ERC2: variants seen among roughly 807,000 people sequenced by gnomAD.
ERC2 encodes the protein ELKS/RAB6-interacting/CAST family member 2.
Under a neutral mutation model 114.8 loss-of-function variants are expected in ERC2, and 42 were observed. That is an observed-to-expected ratio of 0.37 (90% CI 0.29 to 0.47). ERC2 has a LOEUF of 0.47. Among genes scored for constraint, ERC2 ranks in the 20% least tolerant of loss-of-function variants. ERC2 has a pLI of 0.99. For synonymous variants in ERC2, 454 were observed against 425.5 expected, an observed-to-expected ratio of 1.07 and a Z score of -0.82; for missense variants, 939 against 1,150.7, an observed-to-expected ratio of 0.82 and a Z score of 2.66.
intron 10 of ERC2, among the ~76,000 whole-genome samples, chr3:56,005,013 A>G (rs2072370691): frequency 6.6e-6 from 1 of 151,964 alleles, no homozygotes; most frequent in South Asian, 2.1e-4. Context: ...GGAACTATTT[A>G]TTAGCAGAAA....
At chr3:55,736,156 T>C (rs183166035) in intron 14 of ERC2, among the ~76,000 whole-genome samples, 31 of 152,322 alleles carry the variant, frequency 2.0e-4, no homozygotes, top group Middle Eastern at 3.4e-3. Context: ...CAAAACATTA[T>C]AAGCCCAGAT....
intron 3 of ERC2, among the ~76,000 whole-genome samples, chr3:56,183,849 A>G (rs1053064616): frequency 6.6e-6 from 1 of 152,130 alleles, no homozygotes; most frequent in African/African-American, 2.4e-5. Flanking sequence ...AGGGCTGCAG[A>G]GGGGGCAGAA....
At chr3:55,660,159 C>A (rs1050687666) in intron 17 of ERC2, among the ~76,000 whole-genome samples, 1 of 152,166 alleles carries the variant, frequency 6.6e-6, no homozygotes, top group South Asian at 2.1e-4. Flanking sequence ...CTCAGACTTT[C>A]CATTGGCTGA....
intron 14 of ERC2, among the ~76,000 whole-genome samples, chr3:55,833,405 G>A (rs1026548563): frequency 7.4e-4 from 112 of 151,776 alleles, no homozygotes; most frequent in Non-Finnish European, 1.4e-3. Context: ...ACTAACAGCG[G>A]ATCTCTCGGC....
At chr3:56,043,954 C>T (rs991355788) in intron 7 of ERC2, among the ~76,000 whole-genome samples, 7 of 152,258 alleles carry the variant, frequency 4.6e-5, no homozygotes, top group Non-Finnish European at 8.8e-5. Flanking sequence ...TGTCAATAAA[C>T]AAAGTGCTAA....
At chr3:55,997,732 T>G (rs2071634995) in intron 10 of ERC2, among the ~76,000 whole-genome samples, 1 of 150,398 alleles carries the variant, frequency 6.6e-6, no homozygotes, top group Admixed American at 6.6e-5. Flanking sequence ...AAAAAAAAAT[T>G]ACAATATCAA....
At chr3:56,359,213 C>A (rs2058854739) in intron 2 of ERC2, among the ~76,000 whole-genome samples, 1 of 152,226 alleles carries the variant, frequency 6.6e-6, no homozygotes. Flanking sequence ...AAAACTGGAT[C>A]ATCACTGTCC....
intron 14 of ERC2, among the ~76,000 whole-genome samples, chr3:55,773,619 T>C (rs1023563947): frequency 6.6e-6 from 1 of 152,254 alleles, no homozygotes; most frequent in African/African-American, 2.4e-5. Flanking sequence ...GGCAGGAATG[T>C]TGGTTTCGTT....
intron 13 of ERC2, among the ~76,000 whole-genome samples, chr3:55,918,975 T>C (rs2065261208): frequency 6.6e-6 from 1 of 152,094 alleles, no homozygotes; most frequent in African/African-American, 2.4e-5. Context: ...TATATTCTCA[T>C]ACGTTTTCTC....
At chr3:55,670,301 G>A (rs2061507558) in intron 17 of ERC2, among the ~76,000 whole-genome samples, 1 of 152,222 alleles carries the variant, frequency 6.6e-6, no homozygotes, top group East Asian at 1.9e-4. Context: ...AAAGGAGGAA[G>A]AGGTGGTGAA....
At chr3:55,761,713 G>T (rs1432646037) in intron 14 of ERC2, among the ~76,000 whole-genome samples, 1 of 152,140 alleles carries the variant, frequency 6.6e-6, no homozygotes, top group Admixed American at 6.5e-5. Flanking sequence ...ATGGTAGTGA[G>T]TGAGTTTTCA....
intron 17 of ERC2, among the ~76,000 whole-genome samples, chr3:55,632,368 G>C (rs1405476157): frequency 1.3e-5 from 2 of 152,214 alleles, no homozygotes; most frequent in Non-Finnish European, 2.9e-5. Context: ...GGGTACCAGG[G>C]TATGGATGAC....
At chr3:56,197,699 A>G (rs1459071754) in intron 3 of ERC2, among the ~76,000 whole-genome samples, 4 of 152,254 alleles carry the variant, frequency 2.6e-5, no homozygotes, top group African/African-American at 9.6e-5. Flanking sequence ...CATTTAAAAC[A>G]CATTGGTCTT....
At chr3:55,815,976 G>A (rs547870380) in intron 14 of ERC2, among the ~76,000 whole-genome samples, 3 of 152,298 alleles carry the variant, frequency 2.0e-5, no homozygotes, top group African/African-American at 7.2e-5. Flanking sequence ...TAGGCAGCTG[G>A]GATTCTGCTC....
intron 17 of ERC2, among the ~76,000 whole-genome samples, chr3:55,608,153 C>A (rs1301613030): frequency 6.6e-6 from 1 of 152,146 alleles, no homozygotes; most frequent in African/African-American, 2.4e-5. Flanking sequence ...GACACGTAGT[C>A]CAAAGTAGCT....
At chr3:55,836,685 T>G (rs896251490) in intron 14 of ERC2, among the ~76,000 whole-genome samples, 9 of 152,034 alleles carry the variant, frequency 5.9e-5, no homozygotes, top group Non-Finnish European at 1.0e-4. Flanking sequence ...ATTCAGGACA[T>G]AGGCGTGGGC....
intron 11 of ERC2, 66 bp downstream of exon 11, chr3:55,991,991 G>T: frequency 7.0e-7 from 1 of 1,436,592 alleles, no homozygotes; most frequent in East Asian, 2.3e-5. Context: ...CACCACAACC[G>T]GAGATGGGCA....
At chr3:55,962,899 A>G (rs1415209772) in intron 12 of ERC2, among the ~76,000 whole-genome samples, 2 of 152,190 alleles carry the variant, frequency 1.3e-5, no homozygotes, top group Non-Finnish European at 2.9e-5. Flanking sequence ...ATGGAGCACA[A>G]ATGGGAAATC....
chr3:55,676,106 A>G (rs974791370), intron 17 of ERC2, among the ~76,000 whole-genome samples: 2 of 151,510 alleles, frequency 1.3e-5, no homozygotes, highest in Non-Finnish European at 2.9e-5. Context: ...CATTTTTAGT[A>G]GAGACAGGGT....
Sources: gnomAD v4.1 joint callset for allele counts (sites outside exome capture counted in the v4.1 genomes callset) on GRCh38, gnomAD v4.1.1 for gene constraint, MANE v1.5 for transcripts, NCBI Gene and HGNC (gene_info 2026-07-23, HGNC 2026-07-21) for gene names.